Variants in SAMD12 observed in about 807,000 individuals in gnomAD.
The protein encoded by SAMD12 is sterile alpha motif domain containing 12.
Under a neutral mutation model 15.0 loss-of-function variants are expected in SAMD12, and 9 were observed. That is an observed-to-expected ratio of 0.60 (90% CI 0.36 to 1.05). SAMD12 has a LOEUF of 1.05. Ranked by LOEUF, SAMD12 falls within the 50% of genes least tolerant of loss-of-function variation. The pLI is 0.01. For missense variants in SAMD12, 230 were observed against 234.2 expected (o/e 0.98, Z 0.12); for synonymous variants, 86 against 90.1 (o/e 0.96, Z 0.25).
intron 2 of SAMD12, among the ~76,000 whole-genome samples, chr8:118,521,887 T>G (rs536377775): frequency 1.3e-5 from 2 of 152,216 alleles, no homozygotes; most frequent in East Asian, 3.9e-4. Flanking sequence ...AGGGAGATAT[T>G]TTTGCTTAGT....
At chr8:118,549,292 A>G (rs1457770943) in intron 2 of SAMD12, among the ~76,000 whole-genome samples, 2 of 152,196 alleles carry the variant, frequency 1.3e-5, no homozygotes, top group Non-Finnish European at 2.9e-5. Context: ...AGTAGGGGCA[A>G]ACTGACACCT....
chr8:118,442,717 G>A (rs754458637), intron 2 of SAMD12, among the ~76,000 whole-genome samples: 8 of 151,958 alleles, frequency 5.3e-5, no homozygotes, highest in Non-Finnish European at 7.4e-5. Context: ...ATGTTCCTTC[G>A]GATTAGCTGA....
intron 3 of SAMD12, chr8:118,400,513 A>C (rs1820819301): frequency 6.6e-6 from 1 of 152,264 alleles, no homozygotes; most frequent in African/African-American, 2.4e-5. Context: ...AGTTTTGTAT[A>C]ATGAGTTTCC....
At position 118,486,424 on chromosome 8, in the gene SAMD12, A is replaced by AG. The variant is rs200784847; in HGVS notation, c.193-46464_193-46463insC. Among the ~76,000 whole-genome samples, 143 of 125,704 alleles carry AG rather than the reference A, an allele frequency of 1.1e-3. 3 individuals carry two copies. In the East Asian group the frequency reaches 0.031, roughly 27 times the overall value. 82.5% of individuals were successfully genotyped at this position (125,704 alleles called of 152,430 possible). On this transcript the variant is annotated intron_variant, in intron 2 of 3. Coordinates refer to ENST00000314727, the MANE Select transcript of SAMD12 (RefSeq NM_207506.3). Reference sequence around the variant, plus strand: ...GAGAGAGAATCCGTCTAAAAAAAAAAAAGAGAGAGAGAGTAGCAAAAGATG... The same window carrying AG: ...GAGAGAGAATCCGTCTAAAAAAAAAAGAAGAGAGAGAGAGTAGCAAAAGATG...
intron 2 of SAMD12, among the ~76,000 whole-genome samples, chr8:118,572,801 A>G (rs1192333302): frequency 6.6e-6 from 1 of 151,964 alleles, no homozygotes; most frequent in Non-Finnish European, 1.5e-5. Context: ...GGACTAATAC[A>G]CCAGGTGATA....
rs1004863521 is a variant in SAMD12 at position 118,409,083 on chromosome 8, T to G, written c.323-29383A>C. ...CCGGCTAAGAAAAAATTCAATTATT[T>G]ATGGGGCTGTTATGAAATGTAATAT... On this transcript the variant is annotated intron_variant, in intron 3 of 3. Transcript: ENST00000314727. 2.0e-5 allele frequency among the ~76,000 whole-genome samples: 3 copies of G among 152,132 alleles called. No homozygotes were observed. The South Asian group carries it at 6.2e-4, about 32-fold the overall frequency.
At chr8:118,417,362 T>C (rs1821752133) in intron 3 of SAMD12, among the ~76,000 whole-genome samples, 1 of 152,116 alleles carries the variant, frequency 6.6e-6, no homozygotes, top group Non-Finnish European at 1.5e-5. Context: ...AGGATTACAG[T>C]TGTGAGCCAC....
intron 2 of SAMD12, among the ~76,000 whole-genome samples, chr8:118,483,124 G>T (rs752885467): frequency 6.6e-6 from 1 of 152,146 alleles, no homozygotes; most frequent in African/African-American, 2.4e-5. Flanking sequence ...TTATTAGAAA[G>T]ACATGGAAGA....
intron 4 of SAMD12, among the ~76,000 whole-genome samples, chr8:118,339,650 T>C (rs779475642): frequency 1.2e-4 from 19 of 152,226 alleles, no homozygotes; most frequent in Non-Finnish European, 2.4e-4. Flanking sequence ...AGTGATTTTG[T>C]TCTTGCTTTT....
chr8:118,611,123 T>C (rs1271832836), intron 1 of SAMD12, among the ~76,000 whole-genome samples: 1 of 152,172 alleles, frequency 6.6e-6, no homozygotes, highest in Non-Finnish European at 1.5e-5. Flanking sequence ...ACCCACCCTA[T>C]TATCTAATTA....
At chr8:118,424,116 A>G (rs1329443252) in intron 3 of SAMD12, among the ~76,000 whole-genome samples, 2 of 152,232 alleles carry the variant, frequency 1.3e-5, no homozygotes, top group African/African-American at 4.8e-5. Flanking sequence ...TGGAGAAATT[A>G]TCACTAATTG....
the SAMD12 span, among the ~76,000 whole-genome samples, chr8:118,172,255 TAAAAA>T: frequency 6.6e-6 from 1 of 150,704 alleles, no homozygotes; most frequent in Non-Finnish European, 1.5e-5. Flanking sequence ...AAAGTAAAAT[TAAAAA>T]TAAAATAAAC....
chr8:118,137,107 G>GC, the SAMD12 span, among the ~76,000 whole-genome samples: 1 of 152,150 alleles, frequency 6.6e-6, no homozygotes, highest in African/African-American at 2.4e-5. Flanking sequence ...TGGCTCCAGG[G>GC]CCCCAGTTAC....
At chr8:118,345,098 T>C (rs1318818786) in intron 4 of SAMD12, among the ~76,000 whole-genome samples, 2 of 152,198 alleles carry the variant, frequency 1.3e-5, no homozygotes, top group Non-Finnish European at 2.9e-5. Context: ...AAATGCCCTA[T>C]ACGAGGGTAC....
intron 3 of SAMD12, among the ~76,000 whole-genome samples, chr8:118,386,340 C>A (rs558472524): frequency 3.0e-4 from 46 of 152,246 alleles, no homozygotes; most frequent in African/African-American, 1.1e-3. Flanking sequence ...CCTCCATTCT[C>A]CTATCACCTT....
At chr8:118,248,443 T>C (rs988633808) in intron 4 of SAMD12, among the ~76,000 whole-genome samples, 1 of 151,994 alleles carries the variant, frequency 6.6e-6, no homozygotes, top group Non-Finnish European at 1.5e-5. Context: ...TCAACACTGA[T>C]GGATTGGAGG....
At chr8:118,422,692 CT>C (rs1822051831) in intron 3 of SAMD12, among the ~76,000 whole-genome samples, 1 of 152,128 alleles carries the variant, frequency 6.6e-6, no homozygotes. Flanking sequence ...GAATACTTTC[CT>C]AGAGAGCCAT....
chr8:118,612,966 T>C (rs906821351), intron 1 of SAMD12, among the ~76,000 whole-genome samples: 1 of 152,292 alleles, frequency 6.6e-6, no homozygotes, highest in African/African-American at 2.4e-5. Flanking sequence ...GGCAACACAG[T>C]GTATGATACC....
At chr8:118,560,732 A>T (rs1826677667) in intron 2 of SAMD12, among the ~76,000 whole-genome samples, 1 of 152,188 alleles carries the variant, frequency 6.6e-6, no homozygotes, top group East Asian at 1.9e-4. Context: ...AACCTACATC[A>T]TTATTATAAC....
Sources: allele counts gnomAD v4.1 joint callset (sites outside exome capture counted in the v4.1 genomes callset), GRCh38; gene constraint gnomAD v4.1.1; transcripts MANE v1.5; gene names NCBI Gene and HGNC (gene_info 2026-07-23, HGNC 2026-07-21).